CREB3L2: variants seen among roughly 807,000 people sequenced by gnomAD.
CREB3L2 encodes the protein cAMP responsive element binding protein 3 like 2.
Under a neutral mutation model 57.2 loss-of-function variants are expected in CREB3L2, and 23 were observed. The observed-to-expected ratio is 0.40, with a 90% CI of 0.29 to 0.57. The LOEUF (loss-of-function observed/expected upper bound fraction) is 0.57. Among genes scored for constraint, CREB3L2 ranks in the 20% least tolerant of loss-of-function variants. The probability of loss-of-function intolerance (pLI) is 0.42; values close to 1 mark genes in which losing one functional copy is unlikely to be tolerated. For synonymous variants in CREB3L2, 268 were observed against 265.1 expected (o/e 1.01, Z -0.11); for missense variants, 628 against 634.7 (o/e 0.99, Z 0.11).
intron 4 of CREB3L2, among the ~76,000 whole-genome samples, chr7:137,908,761 G>A (rs1369875456): frequency 3.9e-5 from 6 of 152,032 alleles, no homozygotes; most frequent in African/African-American, 1.4e-4. Context: ...ATCACCTGAG[G>A]TCAGGAGTTT....
Position 137,875,787 on chromosome 7 carries a change from TA to T in CREB3L2, c.*4688del, listed in dbSNP as rs532747596. The T allele has an allele frequency of 7.6e-4, 171 of 224,164 alleles. No individual in the cohort carries two copies. The highest frequency in any genetic ancestry group is 1.3e-3 in the Non-Finnish European group (148 of 112,304). The allele number at this position is 224,164 out of a possible 1,614,324, so 13.9% of individuals were successfully genotyped here. A position where few individuals can be genotyped will look rare whatever the true frequency, so the allele number is the denominator to read the frequency against. ...TCCGTATCTATAAAACTGAAAGACT[TA>T]AAATTTACTTAGCACAGCACGCAAC... On this transcript the variant is annotated 3_prime_UTR_variant, in exon 12 of 12. Transcript: ENST00000330387.
intron 1 of CREB3L2, among the ~76,000 whole-genome samples, chr7:137,977,563 CAG>C (rs1470080598): frequency 3.3e-5 from 5 of 151,960 alleles, no homozygotes; most frequent in Admixed American, 3.3e-4. Flanking sequence ...CAATAAATGA[CAG>C]ATAGATTATC....
chr7:137,940,187 T>C (rs1008130997), intron 1 of CREB3L2, among the ~76,000 whole-genome samples: 9 of 152,142 alleles, frequency 5.9e-5, no homozygotes, highest in Non-Finnish European at 1.0e-4. Flanking sequence ...TCTGGTATCT[T>C]CCACTCTCTT....
intron 8 of CREB3L2, among the ~76,000 whole-genome samples, chr7:137,893,865 A>C (rs1241658376): frequency 6.6e-6 from 1 of 152,180 alleles, no homozygotes; most frequent in Non-Finnish European, 1.5e-5. Context: ...CATGCCACAC[A>C]TCTTAAGGTT....
chr7:137,920,643 C>T (rs1179777091), intron 2 of CREB3L2, among the ~76,000 whole-genome samples: 2 of 152,196 alleles, frequency 1.3e-5, no homozygotes, highest in African/African-American at 4.8e-5. Flanking sequence ...GAAATGACTA[C>T]ATTCATTTCC....
intron 8 of CREB3L2, 71 bp from the exon 9 acceptor site, chr7:137,885,573 C>T (rs554856099): frequency 4.1e-6 from 5 of 1,215,220 alleles, no homozygotes; most frequent in South Asian, 2.5e-5. Flanking sequence ...CTCCATGTGA[C>T]CCAAGAAGGC....
intron 8 of CREB3L2, among the ~76,000 whole-genome samples, chr7:137,890,332 G>A (rs899724671): frequency 6.6e-6 from 1 of 152,208 alleles, no homozygotes; most frequent in African/African-American, 2.4e-5. Flanking sequence ...TAAGGTTCAG[G>A]AAGTCAAGCC....
intron 2 of CREB3L2, among the ~76,000 whole-genome samples, chr7:137,921,424 A>G (rs1032768661): frequency 2.0e-5 from 3 of 152,230 alleles, no homozygotes; most frequent in Non-Finnish European, 4.4e-5. Context: ...ACATCCAAAG[A>G]CAAAATGGTG....
Position 137,900,229 on chromosome 7 carries a change from T to G in CREB3L2, c.1043+1125A>C, listed in dbSNP as rs185249226. The stretch of plus-strand genomic sequence containing the variant: ...CCACATCCAGGCTCCAGAGCCAGAC[T>G]GCCTGGGTTCAAATGCAGCTTTAGC... On this transcript the variant is annotated intron_variant, in intron 8 of 11. Transcript: ENST00000330387. Among the ~76,000 whole-genome samples, 370 of 152,318 alleles carry G rather than the reference T, an allele frequency of 2.4e-3. 5 individuals carry two copies. Among genetic ancestry groups the G allele is most frequent in the Admixed American group, 0.02 (311 of 15,296 alleles).
At chr7:137,916,173 T>C (rs529970530) in intron 2 of CREB3L2, among the ~76,000 whole-genome samples, 161 bp from the exon 3 acceptor site, 1 of 152,172 alleles carries the variant, frequency 6.6e-6, no homozygotes, top group South Asian at 2.1e-4. Flanking sequence ...TTGATAGATA[T>C]GAACAGCAAA....
Position 137,903,958 on chromosome 7 carries a change from C to G in CREB3L2, c.974+1G>C. 6.2e-7 allele frequency: 1 copy of G among 1,613,476 alleles called. No homozygotes were observed. The highest frequency in any genetic ancestry group is 8.5e-7 in the Non-Finnish European group (1 of 1,179,358). On this transcript the variant is annotated splice_donor_variant, in intron 7 of 11. Coordinates refer to ENST00000330387, the MANE Select transcript of CREB3L2 (RefSeq NM_194071.4). LOFTEE classifies it high-confidence loss of function. ...ACGCAACAGTTTGCCAGCAGGCTTA[C>G]TTTTTCTCCAGGCTGTCCATGTATT...
intron 1 of CREB3L2, among the ~76,000 whole-genome samples, chr7:137,972,321 C>T (rs1484374094): frequency 6.6e-6 from 1 of 151,796 alleles, no homozygotes; most frequent in Non-Finnish European, 1.5e-5. Context: ...ACCTATAATC[C>T]CAGCTACTTG....
chr7:137,897,939 C>CACA (rs1026654228), intron 8 of CREB3L2, among the ~76,000 whole-genome samples: 13 of 151,952 alleles, frequency 8.6e-5, no homozygotes, highest in Non-Finnish European at 1.6e-4. Flanking sequence ...AAAGCTTCTG[C>CACA]ACAACAACAA....
intron 1 of CREB3L2, among the ~76,000 whole-genome samples, chr7:137,982,593 A>C (rs374751012): frequency 1.3e-5 from 2 of 152,250 alleles, no homozygotes; most frequent in African/African-American, 4.8e-5. Context: ...TCCCTTGCAC[A>C]AGCTCTCTCT....
intron 8 of CREB3L2, among the ~76,000 whole-genome samples, chr7:137,898,587 C>T (rs967561036): frequency 6.6e-6 from 1 of 152,204 alleles, no homozygotes; most frequent in African/African-American, 2.4e-5. Context: ...AATAAGTATA[C>T]ATTGTGGAGA....
chr7:137,953,999 A>G (rs1422832269), intron 1 of CREB3L2, among the ~76,000 whole-genome samples: 2 of 152,218 alleles, frequency 1.3e-5, no homozygotes, highest in Non-Finnish European at 2.9e-5. Context: ...TCACAGGGAA[A>G]GAGAAATTCT....
rs1370145808 is a variant in CREB3L2 at position 137,928,337 on chromosome 7, G to C, written c.132C>G (p.Ser44=). The C allele has an allele frequency of 6.2e-7, 1 of 1,614,016 alleles. No homozygotes were observed. The highest frequency in any genetic ancestry group is 2.2e-5 in the East Asian group (1 of 44,874). Residue 44 remains serine, a synonymous_variant, in exon 2 of 12, where the codon TCC becomes TCG. Coordinates refer to ENST00000330387, the MANE Select transcript of CREB3L2 (RefSeq NM_194071.4). The part of the protein sequence containing the change: ...THFSELLDEF[S]QNVLGQLLND... ...TCAGGAGCTGACCCAAGACGTTCTG[G>C]GAAAACTCATCCAGAAGTTCTGAGA... is the stretch of plus-strand genomic sequence containing the variant.
rs1481752073 is a variant in CREB3L2 at position 138,001,663 on chromosome 7, C to T, written c.43G>A (p.Asp15Asn). ...ESGEQGVLQW[D>N]RKLSELSEPG... ...TCTGACAGCTCGCTCAGCTTGCGGT[C>T]CCACTGCAGCACGCCCTGCTCCCCG... is the stretch of plus-strand genomic sequence containing the variant. The change falls in exon 1 of 12, where the codon GAC becomes AAC. Residue 15 changes from aspartate to asparagine, a missense_variant. This residue lies in a region of CREB3L2 where 339 missense variants were observed against 355.4 expected (regional missense o/e 0.95). Coordinates refer to ENST00000330387, the MANE Select transcript of CREB3L2 (RefSeq NM_194071.4). This position sits in a 1 kb window ranked among gnomAD's most constrained non-coding sequence, Gnocchi z 4.2. 5.6e-6 allele frequency: 9 copies of T among 1,613,226 alleles called. No homozygotes were observed. In the South Asian group the frequency reaches 7.7e-5, roughly 14 times the overall value.
At chr7:137,942,729 T>C (rs565115079) in intron 1 of CREB3L2, among the ~76,000 whole-genome samples, 2 of 152,290 alleles carry the variant, frequency 1.3e-5, no homozygotes, top group South Asian at 4.1e-4. Flanking sequence ...ATGTTAAAAG[T>C]TATTCCCAAA....
Sources: allele counts gnomAD v4.1 joint callset (sites outside exome capture counted in the v4.1 genomes callset), GRCh38; gene constraint gnomAD v4.1.1; regional missense constraint gnomAD v4.1.1; non-coding constraint Gnocchi (gnomAD v3.1); transcripts MANE v1.5; gene names NCBI Gene and HGNC (gene_info 2026-07-23, HGNC 2026-07-21).